The following DYM variants were observed in gnomAD, a reference collection of about 807,000 sequenced individuals.
DYM encodes the protein dymeclin.
In DYM, 78 loss-of-function variants were observed where a neutral mutation model predicts 93.1. The ratio of observed to expected loss-of-function variants is 0.84; its 90% CI spans 0.70 to 1.01. The LOEUF is 1.01. Ranked by LOEUF, DYM falls within the 50% of genes least tolerant of loss-of-function variation. DYM has a pLI of 0.00. For missense variants in DYM, 789 were observed against 845.0 expected (o/e 0.93, Z 0.82); for synonymous variants, 321 against 319.7 (o/e 1.00, Z -0.04).
intron 13 of DYM, among the ~76,000 whole-genome samples, chr18:49,216,235 A>G (rs531740031): frequency 1.2e-3 from 181 of 152,304 alleles, no homozygotes; most frequent in African/African-American, 3.4e-3. Context: ...TCTTAGGTAA[A>G]TAAAGCAGCC....
At chr18:49,225,844 A>C (rs2093508212) in intron 13 of DYM, among the ~76,000 whole-genome samples, 1 of 152,144 alleles carries the variant, frequency 6.6e-6, no homozygotes, top group South Asian at 2.1e-4. Flanking sequence ...ATAACAGCCA[A>C]ATATCTTAAA....
At chr18:49,255,182 G>C (rs927236512) in intron 13 of DYM, among the ~76,000 whole-genome samples, 7 of 152,214 alleles carry the variant, frequency 4.6e-5, no homozygotes, top group African/African-American at 1.4e-4. Flanking sequence ...AACCAATGAA[G>C]AGAATGTGAG....
chr18:49,375,720 T>C (rs2147623430), intron 5 of DYM: 1 of 152,314 alleles, frequency 6.6e-6, no homozygotes, highest in Admixed American at 6.5e-5. Context: ...TGTTCCTGGA[T>C]GTGTCTGTGA....
intron 5 of DYM, among the ~76,000 whole-genome samples, chr18:49,363,940 T>C (rs893946363): frequency 1.3e-5 from 2 of 152,250 alleles, no homozygotes; most frequent in African/African-American, 2.4e-5. Flanking sequence ...TCTTGGACAT[T>C]ACTGACACCT....
chr18:49,134,795 A>T (rs898683426), intron 15 of DYM, among the ~76,000 whole-genome samples: 10 of 152,236 alleles, frequency 6.6e-5, no homozygotes, highest in African/African-American at 2.2e-4. Context: ...CTAGTTTTGT[A>T]CGGCAGAAAT....
intron 15 of DYM, among the ~76,000 whole-genome samples, chr18:49,162,877 G>A (rs1359706226): frequency 6.6e-6 from 1 of 152,202 alleles, no homozygotes; most frequent in Non-Finnish European, 1.5e-5. Context: ...TTAGGTCCAA[G>A]TAAGCAAACA....
At chr18:49,407,157 T>G (rs568357682) in intron 2 of DYM, among the ~76,000 whole-genome samples, 1 of 151,926 alleles carries the variant, frequency 6.6e-6, no homozygotes, top group East Asian at 1.9e-4. Context: ...ACTACAGAAA[T>G]AGAAAACTAA....
chr18:49,335,305 T>A (rs952189180), intron 6 of DYM, among the ~76,000 whole-genome samples: 5 of 151,596 alleles, frequency 3.3e-5, no homozygotes, highest in African/African-American at 1.2e-4. Context: ...AAAATTAACC[T>A]GTAAAAAGCA....
intron 2 of DYM, among the ~76,000 whole-genome samples, chr18:49,428,410 C>T (rs576647556): frequency 2.0e-5 from 3 of 152,204 alleles, no homozygotes; most frequent in Non-Finnish European, 2.9e-5. Flanking sequence ...AGTGGCTGGA[C>T]GCAGTGTCTC....
intron 9 of DYM, among the ~76,000 whole-genome samples, chr18:49,282,565 C>A (rs1200549909): frequency 6.6e-6 from 1 of 152,150 alleles, no homozygotes; most frequent in Non-Finnish European, 1.5e-5. Context: ...GTGAGCCGAG[C>A]TCACGCCACT....
chr18:49,268,384 T>G (rs1369360622), intron 11 of DYM, among the ~76,000 whole-genome samples: 3 of 152,218 alleles, frequency 2.0e-5, no homozygotes, highest in African/African-American at 7.2e-5. Context: ...TAAAATATCC[T>G]GAAATCCAAT....
chr18:49,443,972 C>A (rs927787083), intron 1 of DYM, among the ~76,000 whole-genome samples: 1 of 151,902 alleles, frequency 6.6e-6, no homozygotes, highest in Non-Finnish European at 1.5e-5. Context: ...GAATATTTTC[C>A]AAAAAATCAA....
intron 1 of DYM, among the ~76,000 whole-genome samples, chr18:49,447,839 G>A (rs979137255): frequency 1.3e-5 from 2 of 152,162 alleles, no homozygotes; most frequent in South Asian, 2.1e-4. Context: ...GTAGTAACAA[G>A]GCATATAGCT....
chr18:49,092,404 C>T (rs534640439), intron 17 of DYM, among the ~76,000 whole-genome samples: 93 of 152,340 alleles, frequency 6.1e-4, no homozygotes, highest in African/African-American at 2.2e-3. Flanking sequence ...ACTAGTTCTT[C>T]CCAGCAGTGT....
intron 8 of DYM, among the ~76,000 whole-genome samples, chr18:49,297,389 T>C (rs1287779169): frequency 6.6e-6 from 1 of 152,184 alleles, no homozygotes; most frequent in East Asian, 1.9e-4. Flanking sequence ...GTATTAGAAG[T>C]TGGGATAGTG....
At position 49,038,742 on chromosome 18, in the gene DYM, A is replaced by G. The variant is rs572880476; in HGVS notation, c.*5313T>C. On this transcript the variant is annotated 3_prime_UTR_variant, in exon 18 of 18. Coordinates refer to ENST00000675505, the MANE Select transcript of DYM (RefSeq NM_001353214.3). ...TTTGCAATTCTTAAATCTTCCACTG[A>G]ATTGATTATTCGAATTCTCTCTTAT... 4.5e-4 allele frequency among the ~76,000 whole-genome samples: 69 copies of G among 152,272 alleles called. 1 individual carries two copies. The highest frequency in any genetic ancestry group is 1.5e-3 in the African/African-American group (64 of 41,560).
At chr18:49,161,844 A>G (rs1048961267) in intron 15 of DYM, among the ~76,000 whole-genome samples, 2 of 152,216 alleles carry the variant, frequency 1.3e-5, no homozygotes, top group African/African-American at 2.4e-5. Flanking sequence ...CTGTTCCCAC[A>G]GTCTCATATC....
intron 8 of DYM, among the ~76,000 whole-genome samples, chr18:49,315,364 G>A (rs959275043): frequency 4.6e-5 from 7 of 152,102 alleles, no homozygotes; most frequent in Non-Finnish European, 7.4e-5. Flanking sequence ...TGCCTACCGG[G>A]TATGGGAGGA....
intron 1 of DYM, among the ~76,000 whole-genome samples, chr18:49,451,423 T>C (rs1242886928): frequency 1.3e-5 from 2 of 151,744 alleles, no homozygotes; most frequent in African/African-American, 2.4e-5. Flanking sequence ...ACTGGCCTCA[T>C]ACCTTGTCTA....
Sources: allele counts gnomAD v4.1 joint callset (sites outside exome capture counted in the v4.1 genomes callset), GRCh38; gene constraint gnomAD v4.1.1; transcripts MANE v1.5; gene names NCBI Gene and HGNC (gene_info 2026-07-23, HGNC 2026-07-21).